Variants in SLC38A4 observed in about 807,000 individuals in gnomAD.
SLC38A4 encodes solute carrier family 38 member 4.
In SLC38A4, 20 loss-of-function variants were observed where a neutral mutation model predicts 63.1. That is an observed-to-expected ratio of 0.32 (90% confidence interval 0.22 to 0.46). SLC38A4 has a LOEUF of 0.46. Among genes scored for constraint, SLC38A4 ranks in the 20% least tolerant of loss-of-function variants. The pLI is 1.00. For missense variants in SLC38A4, 526 were observed against 663.6 expected (o/e 0.79, Z 2.28); for synonymous variants, 230 against 225.5 (o/e 1.02, Z -0.18).
intron 13 of SLC38A4, among the ~76,000 whole-genome samples, 172 bp downstream of exon 13, chr12:46,776,732 C>G (rs994738833): frequency 6.6e-6 from 1 of 151,972 alleles, no homozygotes; most frequent in African/African-American, 2.4e-5. Flanking sequence ...CAGGCTGAAT[C>G]AGGCCCCATT....
intron 1 of SLC38A4, among the ~76,000 whole-genome samples, chr12:46,816,467 C>G (rs1565678264): frequency 6.6e-6 from 1 of 151,828 alleles, no homozygotes; most frequent in African/African-American, 2.4e-5. Flanking sequence ...AAGTGAACCT[C>G]AAAAAACTTT....
At chr12:46,796,942 A>G (rs1939020630) in intron 2 of SLC38A4, among the ~76,000 whole-genome samples, 1 of 152,118 alleles carries the variant, frequency 6.6e-6, no homozygotes, top group Admixed American at 6.6e-5. Flanking sequence ...TGGGAAAAGC[A>G]CACTTATCTT....
chr12:46,784,167 T>C (rs1266242655), intron 7 of SLC38A4, among the ~76,000 whole-genome samples: 2 of 152,010 alleles, frequency 1.3e-5, no homozygotes, highest in African/African-American at 4.8e-5. Context: ...CACTTTTCAG[T>C]TTAGTAAATC....
chr12:46,821,097 C>T (rs1226692580), intron 1 of SLC38A4, among the ~76,000 whole-genome samples: 1 of 152,032 alleles, frequency 6.6e-6, no homozygotes, highest in Non-Finnish European at 1.5e-5. Flanking sequence ...AATACTTTCT[C>T]CCATTCCGCA....
intron 3 of SLC38A4, among the ~76,000 whole-genome samples, chr12:46,791,347 C>G (rs532837142): frequency 3.3e-5 from 5 of 152,264 alleles, no homozygotes; most frequent in African/African-American, 1.2e-4. Context: ...TCTGCAGACT[C>G]CAAAGCCCTG....
intron 1 of SLC38A4, among the ~76,000 whole-genome samples, chr12:46,804,550 A>G (rs1939192452): frequency 6.6e-6 from 1 of 152,078 alleles, no homozygotes; most frequent in Non-Finnish European, 1.5e-5. Flanking sequence ...ACCAATCAGA[A>G]GCAATGCTAG....
chr12:46,784,294 CTTTTA>C (rs1215764688), intron 7 of SLC38A4, among the ~76,000 whole-genome samples: 1 of 151,938 alleles, frequency 6.6e-6, no homozygotes, highest in Non-Finnish European at 1.5e-5. Flanking sequence ...ATCAAGAAAG[CTTTTA>C]TTTTATATTT....
intron 1 of SLC38A4, among the ~76,000 whole-genome samples, chr12:46,821,787 G>A (rs1939555548): frequency 1.3e-5 from 2 of 152,060 alleles, no homozygotes; most frequent in South Asian, 4.1e-4. Flanking sequence ...TGGATAGTAT[G>A]GGCATTTTAA....
chr12:46,787,764 G>A (rs185701443), intron 5 of SLC38A4, 152 bp downstream of exon 5: 82 of 511,822 alleles, frequency 1.6e-4, no homozygotes, highest in East Asian at 1.0e-3. Context: ...ACTTTCTGCC[G>A]TTGGGTTAGG....
intron 1 of SLC38A4, among the ~76,000 whole-genome samples, chr12:46,820,875 G>A (rs1221122020): frequency 6.6e-6 from 1 of 151,884 alleles, no homozygotes; most frequent in East Asian, 1.9e-4. Context: ...CCGTCCTAAT[G>A]TGTGTGTGGT....
At chr12:46,805,203 A>G (rs920995316) in intron 1 of SLC38A4, among the ~76,000 whole-genome samples, 5 of 152,016 alleles carry the variant, frequency 3.3e-5, no homozygotes, top group Non-Finnish European at 5.9e-5. Flanking sequence ...ATCTTCAAGT[A>G]TAGTAAATAA....
chr12:46,774,676 C>G (rs1310222686), intron 14 of SLC38A4, among the ~76,000 whole-genome samples: 8 of 151,952 alleles, frequency 5.3e-5, no homozygotes, highest in Non-Finnish European at 2.9e-5. Context: ...GAAATGCCTT[C>G]AAAACTGTGA....
intron 13 of SLC38A4, among the ~76,000 whole-genome samples, chr12:46,776,236 G>A (rs1386643236): frequency 6.6e-6 from 1 of 151,940 alleles, no homozygotes; most frequent in East Asian, 1.9e-4. Flanking sequence ...TGTTTATGTG[G>A]CCACACTTCA....
chr12:46,785,174 G>A lies in SLC38A4; in HGVS notation c.330C>T (p.Ile110=). Residue 110 remains isoleucine, a synonymous_variant, in exon 6 of 17, where the codon ATC becomes ATT. Coordinates refer to ENST00000266579, the MANE Select transcript of SLC38A4 (RefSeq NM_018018.5). ...MANTGIILFI[I]MLLAVAILSL... ...ATAATATTGCCACAGCAAGCAGCAT[G>A]ATTCTGCAAAGGGAAGAGAGAGTAG... 1 of 1,611,854 alleles carries A rather than the reference G, an allele frequency of 6.2e-7. No homozygotes were observed. The highest frequency in any genetic ancestry group is 8.5e-7 in the Non-Finnish European group (1 of 1,178,464).
In SLC38A4 at chr12:46,778,724, C is replaced by G. The variant is rs1161915476; in HGVS notation, c.770G>C (p.Ser257Thr). Residue 257 changes from serine to threonine, a missense_variant, in exon 11 of 17, where the codon AGT becomes ACT. By Grantham distance (58) the Ser-to-Thr change is moderately conservative. Transcript: ENST00000266579. The part of the protein sequence containing the change: ...IPCPLPVLDH[S>T]VGNLSFNNTL... ...GTTGTTGAATGACAGATTTCCAACA[C>G]TGTGATCCAAAACAGGTAGAGGGCA... is the stretch of plus-strand genomic sequence containing the variant. 6.2e-7 allele frequency: 1 copy of G among 1,612,688 alleles called. No homozygotes were observed. Among genetic ancestry groups the G allele is most frequent in the Non-Finnish European group, 8.5e-7 (1 of 1,179,244 alleles).
At chr12:46,774,145 A>T (rs1938476996) in intron 14 of SLC38A4, among the ~76,000 whole-genome samples, 1 of 152,024 alleles carries the variant, frequency 6.6e-6, no homozygotes, top group African/African-American at 2.4e-5. Flanking sequence ...GATTTCATGC[A>T]CTCATGAAAA....
At chr12:46,794,072 T>C (rs1465806092) in intron 2 of SLC38A4, among the ~76,000 whole-genome samples, 2 of 152,162 alleles carry the variant, frequency 1.3e-5, no homozygotes, top group Non-Finnish European at 1.5e-5. Flanking sequence ...GGAGAAACAC[T>C]ATCATTCTTG....
intron 16 of SLC38A4, 26 bp downstream of exon 16, chr12:46,768,284 T>A: frequency 6.7e-7 from 1 of 1,490,054 alleles, no homozygotes; most frequent in South Asian, 1.2e-5. Flanking sequence ...CAACTAATAA[T>A]GGGGGAAATT....
chr12:46,785,413 C>T (rs1219258712), intron 5 of SLC38A4, among the ~76,000 whole-genome samples: 2 of 151,342 alleles, frequency 1.3e-5, no homozygotes, highest in Non-Finnish European at 2.9e-5. Flanking sequence ...TTTAATGTTA[C>T]CCAGTGGTAG....
Sources: allele counts gnomAD v4.1 joint callset (sites outside exome capture counted in the v4.1 genomes callset), GRCh38; gene constraint gnomAD v4.1.1; transcripts MANE v1.5; gene names NCBI Gene and HGNC (gene_info 2026-07-23, HGNC 2026-07-21).